Variants in USH1C observed in about 807,000 individuals in gnomAD.
The protein encoded by USH1C is harmonin.
Under a neutral mutation model 119.3 loss-of-function variants are expected in USH1C, and 90 were observed. The observed-to-expected ratio is 0.75, with a 90% CI of 0.64 to 0.90. The LOEUF is 0.90. Ranked by LOEUF, USH1C falls within the 40% of genes least tolerant of loss-of-function variation. The pLI is 0.00. For synonymous variants in USH1C, 465 were observed against 443.3 expected, an observed-to-expected ratio of 1.05 and a Z score of -0.62; for missense variants, 1,165 against 1,167.7, an observed-to-expected ratio of 1.00 and a Z score of 0.03.
chr11:17,524,581 T>G, intron 8 of USH1C, 46 bp from the exon 9 acceptor site: 1 of 1,548,460 alleles, frequency 6.5e-7, no homozygotes, highest in Non-Finnish European at 8.7e-7. Flanking sequence ...GTAACCCATG[T>G]CCAGTGCTCA....
intron 12 of USH1C, 134 bp downstream of exon 12, chr11:17,522,650 C>T: frequency 3.0e-6 from 4 of 1,350,380 alleles, no homozygotes; most frequent in Non-Finnish European, 4.2e-6. Flanking sequence ...CCACCAAACT[C>T]ATCTGGTCTG....
intron 1 of USH1C, among the ~76,000 whole-genome samples, chr11:17,535,026 C>T (rs1294603948): frequency 6.6e-6 from 1 of 152,184 alleles, no homozygotes. Context: ...TCTCTCACCC[C>T]CTCTGCTCAG....
chr11:17,534,384 A>T (rs1051222330), intron 1 of USH1C, among the ~76,000 whole-genome samples: 7 of 152,222 alleles, frequency 4.6e-5, no homozygotes, highest in African/African-American at 7.2e-5. Context: ...TTCTGGCCTG[A>T]GCAGGGGGTA....
chr11:17,516,641 C>T (rs1850158687), intron 14 of USH1C: 1 of 369,702 alleles, frequency 2.7e-6, no homozygotes, highest in Non-Finnish European at 5.2e-6. Flanking sequence ...CATACAAAGC[C>T]TTGTTGAAAG....
At chr11:17,539,833 C>CTTTTTTTTTTTTTTTTTTTTT (rs34881002) in intron 1 of USH1C, among the ~76,000 whole-genome samples, 1 of 126,202 alleles carries the variant, frequency 7.9e-6, no homozygotes, top group Non-Finnish European at 1.6e-5. Context: ...CTTTCTTTTT[C>CTTTTTTTTTTTTTTTTTTTTT]TTTTTTTTTT....
chr11:17,533,362 C>CA (rs751831900), intron 1 of USH1C, 40 bp from the exon 2 acceptor site: 14 of 1,432,482 alleles, frequency 9.8e-6, no homozygotes, highest in East Asian at 2.4e-5. Flanking sequence ...CCAGGCTCAG[C>CA]ACCCGCCCCC....
intron 17 of USH1C, 132 bp from the exon 18 acceptor site, chr11:17,509,970 T>C: frequency 8.7e-7 from 1 of 1,147,710 alleles, no homozygotes; most frequent in South Asian, 1.6e-5. Flanking sequence ...ATCAGAACCA[T>C]GGGGCGCCAT....
At chr11:17,500,927 G>T in intron 23 of USH1C, 124 bp downstream of exon 23, 2 of 804,392 alleles carry the variant, frequency 2.5e-6, no homozygotes, top group South Asian at 1.5e-5. Context: ...GGATGGACCC[G>T]AGTGGGAGGG....
rs59655574 is a variant in USH1C, at chr11:17,513,840, A to G, written c.1261-1786T>C. 5.3e-3 allele frequency among the ~76,000 whole-genome samples: 809 copies of G among 151,980 alleles called. 11 individuals are homozygous for G. The highest frequency in any genetic ancestry group is 0.019 in the African/African-American group (771 of 41,462). On this transcript the variant is annotated intron_variant, in intron 15 of 26. Transcript: ENST00000005226. ...TTAAAAAAAGAAAGAAAGAAAGAAA[A>G]AAAAAACTACCAGTGCTAAGATTAT...
Position 17,510,441 on chromosome 11 carries a change from G to A in USH1C, c.1494C>T (p.Leu498=), listed in dbSNP as rs775392622. 30 of 1,612,586 alleles carry A rather than the reference G, an allele frequency of 1.9e-5. 1 individual carries two copies. The East Asian group carries it at 3.1e-4, about 17-fold the overall frequency. The stretch of plus-strand genomic sequence containing the variant: ...CATTATCAGCAGAGGAAATCTGCTC[G>A]AGGCGCGTTTGACAGAGCCTCTCCA... ...YWVERLCQTR[L]EQISSADNEI... Residue 498 remains leucine, a synonymous_variant, in exon 17 of 27, where the codon CTC becomes CTT. Coordinates refer to ENST00000005226, the MANE Select transcript of USH1C (RefSeq NM_153676.4).
chr11:17,518,574 G>C (rs1850259299), intron 14 of USH1C, among the ~76,000 whole-genome samples: 1 of 152,182 alleles, frequency 6.6e-6, no homozygotes. Flanking sequence ...AAATGTTGGG[G>C]GTCTGCTGGA....
At chr11:17,511,874 T>A in intron 16 of USH1C, 28 bp downstream of exon 16, 1 of 1,603,304 alleles carries the variant, frequency 6.2e-7, no homozygotes, top group South Asian at 1.1e-5. Flanking sequence ...CCAGGGTTGC[T>A]TGCCTGGCCT....
In USH1C at chr11:17,494,041, C is replaced by T; in HGVS notation, c.*291G>A. On this transcript the variant is annotated 3_prime_UTR_variant, in exon 27 of 27. Coordinates refer to ENST00000005226, the MANE Select transcript of USH1C (RefSeq NM_153676.4). The stretch of plus-strand genomic sequence containing the variant: ...TCTTATTAGGGTTCAAGGAAGGAGT[C>T]CCCCAGAGCTGGGAGAGACCAAATT... 1 of 496,120 alleles carries T rather than the reference C, an allele frequency of 2.0e-6. No individual in the cohort carries two copies. Among genetic ancestry groups the T allele is most frequent in the Non-Finnish European group, 3.7e-6 (1 of 271,562 alleles). The allele number at this position is 496,120 out of a possible 1,614,324, so 30.7% of individuals were successfully genotyped here. A position where few individuals can be genotyped will look rare whatever the true frequency, so the allele number is the denominator to read the frequency against.
chr11:17,502,132 G>A (rs1162166916), intron 20 of USH1C, 152 bp from the exon 21 acceptor site: 3 of 692,898 alleles, frequency 4.3e-6, no homozygotes, highest in Non-Finnish European at 7.2e-6. Context: ...GCAGACAGGA[G>A]GCCGGCAGCC....
intron 24 of USH1C, among the ~76,000 whole-genome samples, chr11:17,497,211 T>G (rs1849279938): frequency 6.6e-6 from 1 of 152,232 alleles, no homozygotes; most frequent in Non-Finnish European, 1.5e-5. Context: ...CACTTTCTGA[T>G]GCACAATCAA....
rs7125811 is a variant in USH1C at position 17,544,058 on chromosome 11, G to A, written c.36+214C>T. ...AGAAAGGCTGGCAGAAGATCGACTC[G>A]TTTAGCAGTCCTTGAGCCGGGAGTC... On this transcript the variant is annotated intron_variant, in intron 1 of 26. Coordinates refer to ENST00000005226, the MANE Select transcript of USH1C (RefSeq NM_153676.4). Among the ~76,000 whole-genome samples, 59,469 of 152,140 alleles carry A rather than the reference G, an allele frequency of 0.39. 11,680 individuals carry two copies. Among genetic ancestry groups the A allele is most frequent in the East Asian group, 0.54 (2,806 of 5,160 alleles).
At chr11:17,529,663 G>C (rs1850870297) in intron 4 of USH1C, among the ~76,000 whole-genome samples, 1 of 152,214 alleles carries the variant, frequency 6.6e-6, no homozygotes, top group Admixed American at 6.5e-5. Flanking sequence ...CAGGTTGCAG[G>C]ATCAACTTTC....
intron 26 of USH1C, 52 bp from the exon 27 acceptor site, chr11:17,494,428 C>T (rs994054981): frequency 6.4e-7 from 1 of 1,557,748 alleles, no homozygotes. Flanking sequence ...TGGGTGCACA[C>T]TCAGCCCAGC....
chr11:17,531,082 T>C lies in USH1C; in HGVS notation c.387+72A>G. 4.4e-6 allele frequency: 7 copies of C among 1,609,076 alleles called. No individual in the cohort carries two copies. Among genetic ancestry groups the C allele is most frequent in the Non-Finnish European group, 5.1e-6 (6 of 1,178,002 alleles). ...GGTGACCATGTTGTGCCACACAGCC[T>C]AGTGGATGAATGAGGGGGAGGCAGG... On this transcript the variant is annotated intron_variant, in intron 4 of 26. Coordinates refer to ENST00000005226, the MANE Select transcript of USH1C (RefSeq NM_153676.4). This position sits in a 1 kb window ranked among gnomAD's most constrained non-coding sequence, Gnocchi z 4.2.
Sources: allele counts gnomAD v4.1 joint callset (sites outside exome capture counted in the v4.1 genomes callset), GRCh38; gene constraint gnomAD v4.1.1; non-coding constraint Gnocchi (gnomAD v3.1); transcripts MANE v1.5; gene names NCBI Gene and HGNC (gene_info 2026-07-23, HGNC 2026-07-21).